Variants in CCDC192 observed in about 807,000 individuals in gnomAD.
CCDC192 encodes the protein coiled-coil domain-containing protein 192.
chr5:127,800,041 A>C (rs1757394100), intron 5 of CCDC192, among the ~76,000 whole-genome samples: 1 of 152,118 alleles, frequency 6.6e-6, no homozygotes, highest in Non-Finnish European at 1.5e-5. Flanking sequence ...GGAATCTTAA[A>C]AAGATTAGAT....
chr5:127,736,476 A>G (rs1431828682), intron 2 of CCDC192, among the ~76,000 whole-genome samples: 1 of 151,770 alleles, frequency 6.6e-6, no homozygotes, highest in South Asian at 2.1e-4. Context: ...CTCTTTTTCT[A>G]TTGATTGGAA....
intron 6 of CCDC192, among the ~76,000 whole-genome samples, chr5:127,921,051 A>G (rs940926428): frequency 6.6e-6 from 1 of 150,844 alleles, no homozygotes; most frequent in African/African-American, 2.4e-5. Flanking sequence ...GAAAGGAGGA[A>G]GGAGGAAGGA....
At chr5:127,817,235 G>A (rs548535225) in intron 5 of CCDC192, among the ~76,000 whole-genome samples, 124 of 152,222 alleles carry the variant, frequency 8.1e-4, no homozygotes, top group South Asian at 2.3e-3. Context: ...TCACCTGAAA[G>A]CCCTATTTAA....
intron 1 of CCDC192, among the ~76,000 whole-genome samples, chr5:127,704,920 C>T (rs1067705): frequency 2.0e-5 from 3 of 151,334 alleles, no homozygotes; most frequent in Admixed American, 2.0e-4. Flanking sequence ...GTGACTAGTC[C>T]TCCAATTTGA....
chr5:127,797,326 A>T (rs1757216379), intron 4 of CCDC192, 92 bp downstream of exon 4: 2 of 384,532 alleles, frequency 5.2e-6, no homozygotes, highest in South Asian at 2.8e-4. Flanking sequence ...TCTGGATTAA[A>T]AGTCGTATTT....
chr5:127,820,381 C>A (rs1036435631), intron 5 of CCDC192, among the ~76,000 whole-genome samples: 8 of 152,100 alleles, frequency 5.3e-5, no homozygotes, highest in Admixed American at 3.3e-4. Flanking sequence ...CAGGAGTTCA[C>A]GACCAGCCTA....
intron 6 of CCDC192, among the ~76,000 whole-genome samples, chr5:127,899,016 T>G (rs1167355519): frequency 1.3e-5 from 2 of 152,174 alleles, no homozygotes; most frequent in East Asian, 3.8e-4. Flanking sequence ...TTGAGTCAGC[T>G]AGCTGTTTAG....
intron 3 of CCDC192, among the ~76,000 whole-genome samples, chr5:127,783,324 T>C (rs1385107393): frequency 6.6e-6 from 1 of 152,188 alleles, no homozygotes; most frequent in African/African-American, 2.4e-5. Flanking sequence ...TGTGTCACTA[T>C]TGTTGTTCAC....
chr5:127,869,561 G>A (rs1751760345), intron 5 of CCDC192, among the ~76,000 whole-genome samples: 1 of 152,086 alleles, frequency 6.6e-6, no homozygotes, highest in African/African-American at 2.4e-5. Context: ...CCAAGTGTAA[G>A]GTTATCCCTT....
In CCDC192 at chr5:127,885,431, G is replaced by A. The variant is rs140601393; in HGVS notation, c.535+9770G>A. On this transcript the variant is annotated intron_variant, in intron 6 of 6. Transcript: ENST00000514853. The stretch of plus-strand genomic sequence containing the variant: ...CATAAGCTGAATTGGAGACTTTGGG[G>A]TTGCAAACAATTGGCAGCCAGCTGT... Among the ~76,000 whole-genome samples, 9 of 152,340 alleles carry A rather than the reference G, an allele frequency of 5.9e-5. No individual in the cohort carries two copies. The East Asian group carries it at 1.7e-3, about 29-fold the overall frequency.
intron 6 of CCDC192, among the ~76,000 whole-genome samples, chr5:127,910,592 T>G (rs1290997992): frequency 6.6e-6 from 1 of 152,208 alleles, no homozygotes; most frequent in Non-Finnish European, 1.5e-5. Flanking sequence ...AACAAATATG[T>G]AGAAGCGTAA....
At chr5:127,844,773 T>C (rs1223469070) in intron 5 of CCDC192, among the ~76,000 whole-genome samples, 1 of 152,226 alleles carries the variant, frequency 6.6e-6, no homozygotes, top group African/African-American at 2.4e-5. Flanking sequence ...TTTGCTCTTT[T>C]GTTGTTTCGT....
intron 5 of CCDC192, among the ~76,000 whole-genome samples, chr5:127,843,342 GT>G (rs906718400): frequency 3.4e-5 from 5 of 147,804 alleles, no homozygotes; most frequent in African/African-American, 7.4e-5. Context: ...CCAGCCAAAA[GT>G]TTTTTTTTTA....
intron 6 of CCDC192, among the ~76,000 whole-genome samples, chr5:127,898,277 T>A (rs1426202841): frequency 2.0e-5 from 3 of 152,034 alleles, no homozygotes; most frequent in African/African-American, 7.3e-5. Context: ...CATGGCTAAT[T>A]TCTGTATTTT....
chr5:127,927,113 C>T (rs1005478735), intron 6 of CCDC192, among the ~76,000 whole-genome samples: 13 of 152,120 alleles, frequency 8.5e-5, no homozygotes, highest in African/African-American at 3.1e-4. Flanking sequence ...AATACGTTGA[C>T]ATGAGAAAAA....
chr5:127,704,796 G>A lies in CCDC192; in HGVS notation c.62+1289G>A, dbSNP rs146046217. ...TATCTCCCCAGTAAGCCTAGATCGC[G>A]ACACTGCACTCCAGCCTGGGCGACA... On this transcript the variant is annotated intron_variant, in intron 1 of 6. Transcript: ENST00000514853. Among the ~76,000 whole-genome samples the A allele has an allele frequency of 2.3e-3, 355 of 151,692 alleles. 2 individuals are homozygous for A. The highest frequency in any genetic ancestry group is 7.6e-3 in the African/African-American group (316 of 41,374).
At chr5:127,928,484 T>A (rs962208965) in intron 6 of CCDC192, among the ~76,000 whole-genome samples, 3 of 152,240 alleles carry the variant, frequency 2.0e-5, no homozygotes, top group Admixed American at 2.0e-4. Flanking sequence ...TGTGATTACA[T>A]TGGGTCCACC....
At chr5:127,804,192 A>G (rs1046848174) in intron 5 of CCDC192, among the ~76,000 whole-genome samples, 1 of 152,126 alleles carries the variant, frequency 6.6e-6, no homozygotes, top group Non-Finnish European at 1.5e-5. Flanking sequence ...TCTTACCATA[A>G]CAGAGGACAT....
At chr5:127,917,902 G>T (rs902695258) in intron 6 of CCDC192, among the ~76,000 whole-genome samples, 2 of 152,162 alleles carry the variant, frequency 1.3e-5, no homozygotes, top group Non-Finnish European at 2.9e-5. Flanking sequence ...CACTTTGGGA[G>T]GCTTAGGCGG....
Sources: gnomAD v4.1 joint callset for allele counts (sites outside exome capture counted in the v4.1 genomes callset) on GRCh38, gnomAD v4.1.1 for gene constraint, MANE v1.5 for transcripts, NCBI Gene and HGNC (gene_info 2026-07-23, HGNC 2026-07-21) for gene names.